DLG2: variants seen among roughly 807,000 people sequenced by gnomAD.
The protein encoded by DLG2 is discs large MAGUK scaffold protein 2, also known as disks large homolog 2.
Under a neutral mutation model 132.5 loss-of-function variants are expected in DLG2, and 45 were observed. That is an observed-to-expected ratio of 0.34 (90% CI 0.27 to 0.44). The LOEUF (loss-of-function observed/expected upper bound fraction) is 0.44, where lower values mean the gene tolerates loss of function less well. Ranked by LOEUF, DLG2 falls within the 20% of genes least tolerant of loss-of-function variation. The pLI is 1.00. For synonymous variants in DLG2, 424 were observed against 419.6 expected (o/e 1.01, Z -0.13); for missense variants, 1,045 against 1,196.9 (o/e 0.87, Z 1.87).
At chr11:83,530,120 A>T (rs1393188410) in intron 21 of DLG2, among the ~76,000 whole-genome samples, 1 of 151,878 alleles carries the variant, frequency 6.6e-6, no homozygotes, top group East Asian at 1.9e-4. Flanking sequence ...CTATCTATCC[A>T]TCTATCTCAA....
At chr11:85,091,684 C>G (rs2068806217) in intron 6 of DLG2, among the ~76,000 whole-genome samples, 1 of 152,110 alleles carries the variant, frequency 6.6e-6, no homozygotes, top group Admixed American at 6.5e-5. Context: ...TAAATTTTGT[C>G]TCAAAAAAAC....
intron 6 of DLG2, among the ~76,000 whole-genome samples, chr11:84,990,868 G>GGTT (rs1315280570): frequency 2.0e-5 from 3 of 151,888 alleles, no homozygotes; most frequent in Non-Finnish European, 4.4e-5. Context: ...TTGCACTCCT[G>GGTT]GTTATTTATC....
intron 3 of DLG2, among the ~76,000 whole-genome samples, chr11:85,543,842 T>G (rs1440816155): frequency 2.0e-5 from 3 of 152,204 alleles, no homozygotes; most frequent in African/African-American, 7.2e-5. Flanking sequence ...TTGTTTGTTT[T>G]TTTTTCTTGT....
At chr11:83,635,571 G>A (rs993554724) in intron 18 of DLG2, among the ~76,000 whole-genome samples, 3 of 152,048 alleles carry the variant, frequency 2.0e-5, no homozygotes, top group East Asian at 1.9e-4. Context: ...GTTGTGTGCC[G>A]GATATGTATG....
intron 6 of DLG2, among the ~76,000 whole-genome samples, chr11:84,802,177 T>G (rs2075472018): frequency 1.3e-5 from 2 of 152,006 alleles, no homozygotes. Flanking sequence ...ATTCTAGGTT[T>G]CTCATGTACT....
rs754359198 is a variant in DLG2 at position 85,285,254 on chromosome 11, G to A, written c.152C>T (p.Ala51Val). Residue 51 changes from alanine (A) to valine (V), a missense_variant, in exon 4 of 28, where the codon GCT becomes GTT. This residue lies in a region of DLG2 where 277 missense variants were observed against 238.2 expected (regional missense o/e 1.16). Transcript: ENST00000376104. ...TTTTTGAAGTCTGTCATGGCACGGA[G>A]CAAGAAGGGATGTCTTCTCCCATTT... ...LQKWEKTSLL[A>V]PCHDRLQKSS... 1.2e-6 allele frequency: 2 copies of A among 1,611,786 alleles called. No homozygotes were observed. The highest frequency in any genetic ancestry group is 1.1e-5 in the South Asian group (1 of 90,956).
At chr11:83,650,925 C>T (rs939175647) in intron 18 of DLG2, among the ~76,000 whole-genome samples, 1 of 152,092 alleles carries the variant, frequency 6.6e-6, no homozygotes, top group Non-Finnish European at 1.5e-5. Context: ...GCATGGCATA[C>T]TCCTTCTCCT....
intron 20 of DLG2, among the ~76,000 whole-genome samples, chr11:83,534,705 C>A (rs1004207654): frequency 6.6e-6 from 1 of 152,152 alleles, no homozygotes; most frequent in Admixed American, 6.5e-5. Flanking sequence ...GAGGCTGAGG[C>A]AGGTGTGTAT....
chr11:85,305,624 T>C lies in DLG2; in HGVS notation c.41-20259A>G, dbSNP rs538566466. ...GCCTCCCGGGTTTACTCCATTCTCC[T>C]GCCTCAGCCTCCCGAGTAGCTGGGA... is the stretch of plus-strand genomic sequence containing the variant. On this transcript the variant is annotated intron_variant, in intron 3 of 27. Coordinates refer to ENST00000376104, the MANE Select transcript of DLG2 (RefSeq NM_001142699.3). Among the ~76,000 whole-genome samples the C allele has an allele frequency of 2.0e-4, 30 of 152,276 alleles. 1 individual carries two copies. In the South Asian group the frequency reaches 5.8e-3, roughly 29 times the overall value.
chr11:85,059,506 T>C (rs542461304), intron 6 of DLG2, among the ~76,000 whole-genome samples: 4 of 151,728 alleles, frequency 2.6e-5, no homozygotes, highest in Non-Finnish European at 3.0e-5. Flanking sequence ...CAAACTAATA[T>C]CCATCAACAT....
At chr11:83,825,301 C>T (rs2052392721) in intron 17 of DLG2, among the ~76,000 whole-genome samples, 1 of 150,730 alleles carries the variant, frequency 6.6e-6, no homozygotes, top group Non-Finnish European at 1.5e-5. Flanking sequence ...CCTGCCTCAG[C>T]ATCCTGAGTA....
chr11:84,502,296 T>G (rs369800184), intron 7 of DLG2, among the ~76,000 whole-genome samples: 1 of 2,320 alleles, frequency 4.3e-4, no homozygotes, highest in Non-Finnish European at 7.0e-4. Context: ...CTTTCTTTCT[T>G]TCTTTCTTTC....
intron 18 of DLG2, among the ~76,000 whole-genome samples, chr11:83,711,576 A>G (rs916323605): frequency 2.6e-5 from 4 of 152,174 alleles, no homozygotes; most frequent in African/African-American, 9.7e-5. Flanking sequence ...GCTGACTAAT[A>G]TCTATGTGTG....
chr11:85,289,821 T>C (rs2078782447), intron 3 of DLG2, among the ~76,000 whole-genome samples: 1 of 152,162 alleles, frequency 6.6e-6, no homozygotes, highest in Non-Finnish European at 1.5e-5. Context: ...AATCCCATAC[T>C]TTCTCTTCTG....
intron 6 of DLG2, among the ~76,000 whole-genome samples, chr11:84,637,094 T>C (rs7107160): frequency 0.21 from 32,431 of 152,016 alleles, 5,216 homozygotes; most frequent in African/African-American, 0.45. Flanking sequence ...GGCTGGGATG[T>C]CCTCTTTAAT....
At chr11:83,931,964 T>C (rs142863974) in intron 14 of DLG2, among the ~76,000 whole-genome samples, 45 of 152,364 alleles carry the variant, frequency 3.0e-4, no homozygotes, top group Admixed American at 1.2e-3. Context: ...TTTCACCTTC[T>C]ATTTCTTACC....
Position 85,346,188 on chromosome 11 carries a change from C to CT in DLG2, c.41-60824dup, listed in dbSNP as rs370488898. 1.5e-3 allele frequency among the ~76,000 whole-genome samples: 218 copies of CT among 144,840 alleles called. 1 individual carries two copies. Among genetic ancestry groups the CT allele is most frequent in the Middle Eastern group, 3.6e-3 (1 of 278 alleles). Reference sequence around the variant, plus strand: ...TTGTGATAAAGGATTAATTTTCTTTCTTTTTTTTTTTTTCTTTGAGACAGA... The same window carrying CT: ...TTGTGATAAAGGATTAATTTTCTTTCTTTTTTTTTTTTTTCTTTGAGACAGA... On this transcript the variant is annotated intron_variant, in intron 3 of 27. Transcript: ENST00000376104.
chr11:84,850,314 G>A (rs996966569), intron 6 of DLG2, among the ~76,000 whole-genome samples: 1 of 152,132 alleles, frequency 6.6e-6, no homozygotes, highest in Non-Finnish European at 1.5e-5. Context: ...TGAAGACTTA[G>A]AGGAGGAAGA....
intron 7 of DLG2, among the ~76,000 whole-genome samples, chr11:84,369,604 C>G (rs890207920): frequency 2.0e-5 from 3 of 152,000 alleles, no homozygotes; most frequent in African/African-American, 7.2e-5. Flanking sequence ...TGAAAGTTGG[C>G]CCCTGAAGTA....
Sources: gnomAD v4.1 joint callset for allele counts (sites outside exome capture counted in the v4.1 genomes callset) on GRCh38, gnomAD v4.1.1 for gene constraint, gnomAD v4.1.1 regional missense constraint, MANE v1.5 for transcripts, NCBI Gene and HGNC (gene_info 2026-07-23, HGNC 2026-07-21) for gene names.